MAP3K1: variants seen among roughly 807,000 people sequenced by gnomAD.
MAP3K1 encodes the protein mitogen-activated protein kinase kinase kinase 1.
In MAP3K1, 36 loss-of-function variants were observed where a neutral mutation model predicts 144.2. The ratio of observed to expected loss-of-function variants is 0.25; its 90% confidence interval spans 0.19 to 0.33. The LOEUF (loss-of-function observed/expected upper bound fraction) is 0.33. Ranked by LOEUF, MAP3K1 falls within the 10% of genes least tolerant of loss-of-function variation. The probability of loss-of-function intolerance (pLI) is 1.00; values close to 1 mark genes in which losing one functional copy is unlikely to be tolerated. For missense variants in MAP3K1, 1,650 were observed against 1,881.9 expected, an observed-to-expected ratio of 0.88 and a Z score of 2.28; for synonymous variants, 718 against 688.7, an observed-to-expected ratio of 1.04 and a Z score of -0.67.
At position 56,871,835 on chromosome 5, in the gene MAP3K1, A is replaced by C. The variant is rs1263823584; in HGVS notation, c.1302-75A>C. 2.2e-6 allele frequency: 3 copies of C among 1,389,296 alleles called. No homozygotes were observed. The African/African-American group carries it at 4.3e-5, about 20-fold the overall frequency. The allele number at this position is 1,389,296 out of a possible 1,614,324, so 86.1% of individuals were successfully genotyped here. On this transcript the variant is annotated intron_variant, in intron 6 of 19. Transcript: ENST00000399503. ...TAATGTATTTATATTCTAAGCAAGC[A>C]GAAAGTGTTTTTAGCATATCCGTTC...
intron 1 of MAP3K1, among the ~76,000 whole-genome samples, chr5:56,850,349 G>T (rs1747131408): frequency 6.6e-6 from 1 of 152,142 alleles, no homozygotes; most frequent in East Asian, 1.9e-4. Flanking sequence ...AGAGAATCAA[G>T]ATACGGAAAT....
intron 1 of MAP3K1, among the ~76,000 whole-genome samples, chr5:56,822,662 T>C (rs1746188163): frequency 6.6e-6 from 1 of 152,156 alleles, no homozygotes. Context: ...CCCAGTCTTA[T>C]TAATGCCCTT....
intron 1 of MAP3K1, 146 bp downstream of exon 1, chr5:56,816,201 C>T (rs1273334217): frequency 9.3e-6 from 8 of 856,248 alleles, no homozygotes; most frequent in African/African-American, 5.3e-5. Context: ...CTGAGCACCC[C>T]CCGACCCCTT....
At chr5:56,874,811 T>C (rs1242950696) in intron 9 of MAP3K1, among the ~76,000 whole-genome samples, 1 of 152,198 alleles carries the variant, frequency 6.6e-6, no homozygotes, top group Non-Finnish European at 1.5e-5. Context: ...TTACCTGAGC[T>C]AATAAATATT....
intron 1 of MAP3K1, among the ~76,000 whole-genome samples, chr5:56,845,803 C>T (rs1412863080): frequency 6.6e-6 from 1 of 152,158 alleles, no homozygotes; most frequent in Non-Finnish European, 1.5e-5. Context: ...ATTTTTAGCG[C>T]AGAATGTCAA....
intron 3 of MAP3K1, among the ~76,000 whole-genome samples, chr5:56,860,797 G>C (rs1330569351): frequency 6.6e-6 from 1 of 151,778 alleles, no homozygotes; most frequent in Admixed American, 6.6e-5. Flanking sequence ...AGGTTGCAGT[G>C]AGCCTAGATT....
Position 56,881,555 on chromosome 5 carries a change from G to GC in MAP3K1, c.2370-15_2370-14insC, listed in dbSNP as rs1748206644. ...AATTGGAACTTATATGGTAATGAAT[G>GC]TTTTTTTCTTTCAGGTATAAGAAGC... On this transcript the variant is annotated splice_polypyrimidine_tract_variant and intron_variant, in intron 13 of 19. Transcript: ENST00000399503. The GC allele has an allele frequency of 1.3e-6, 2 of 1,585,790 alleles. No homozygotes were observed. The highest frequency in any genetic ancestry group is 1.1e-5 in the South Asian group (1 of 90,618).
intron 1 of MAP3K1, among the ~76,000 whole-genome samples, chr5:56,817,737 G>T (rs115927477): frequency 0.019 from 2,948 of 152,276 alleles, 113 homozygotes; most frequent in African/African-American, 0.067. Flanking sequence ...TTAAGAAATT[G>T]TATCTATTGA....
In MAP3K1 at chr5:56,875,128, C is replaced by T. The variant is rs1389190649; in HGVS notation, c.1783C>T (p.Leu595=). ...TCTTTCCCATGATGTCAGTGGGGCC[C>T]TGCTGTTGGCAAATGGGGAGAGCAC... ...RRLSHDVSGA[L]LLANGESTGN... The change falls in exon 10 of 20, where the codon CTG becomes TTG. Residue 595 remains leucine (L), a synonymous_variant. Coordinates refer to ENST00000399503, the MANE Select transcript of MAP3K1 (RefSeq NM_005921.2). 2 of 1,614,068 alleles carry T rather than the reference C, an allele frequency of 1.2e-6. No individual in the cohort carries two copies. Among genetic ancestry groups the T allele is most frequent in the African/African-American group, 1.3e-5 (1 of 74,930 alleles).
chr5:56,865,239 C>G, intron 4 of MAP3K1, 101 bp from the exon 5 acceptor site: 2 of 760,010 alleles, frequency 2.6e-6, no homozygotes, highest in Non-Finnish European at 4.6e-6. Flanking sequence ...TTAATAGAAA[C>G]TTTAGTATAA....
intron 1 of MAP3K1, among the ~76,000 whole-genome samples, chr5:56,818,078 G>T (rs923021385): frequency 2.6e-5 from 4 of 151,948 alleles, no homozygotes; most frequent in Non-Finnish European, 5.9e-5. Flanking sequence ...GAATGCTGTT[G>T]GTTTATCCCA....
rs1748671092 is a variant in MAP3K1 at position 56,895,331 on chromosome 5, C to G, written c.*1651C>G. The stretch of plus-strand genomic sequence containing the variant: ...TACAGAAATGTGAAGTTTGGTATCT[C>G]TAAATGTGTTGTACTTGACTTTCTT... On this transcript the variant is annotated 3_prime_UTR_variant, in exon 20 of 20. Coordinates refer to ENST00000399503, the MANE Select transcript of MAP3K1 (RefSeq NM_005921.2). The G allele has an allele frequency of 4.3e-6, 1 of 230,172 alleles. No homozygotes were observed. The highest frequency in any genetic ancestry group is 8.5e-6 in the Non-Finnish European group (1 of 117,018). The allele number at this position is 230,172 out of a possible 1,614,324, so 14.3% of individuals were successfully genotyped here.
intron 10 of MAP3K1, among the ~76,000 whole-genome samples, chr5:56,877,754 T>G (rs1446470257): frequency 6.6e-6 from 1 of 152,096 alleles, no homozygotes; most frequent in East Asian, 1.9e-4. Context: ...TTTCACCAGT[T>G]TTTCTGCTGT....
intron 19 of MAP3K1, among the ~76,000 whole-genome samples, chr5:56,892,902 T>G (rs1055812049): frequency 6.6e-6 from 1 of 151,942 alleles, no homozygotes; most frequent in Non-Finnish European, 1.5e-5. Context: ...TGTATCACAA[T>G]TTAAAAATAA....
At chr5:56,846,726 G>C (rs935038584) in intron 1 of MAP3K1, among the ~76,000 whole-genome samples, 3 of 152,114 alleles carry the variant, frequency 2.0e-5, no homozygotes, top group Non-Finnish European at 4.4e-5. Flanking sequence ...TTTTGACTTC[G>C]TTGCAGTTTG....
chr5:56,888,898 C>G (rs1748463390), intron 19 of MAP3K1, among the ~76,000 whole-genome samples: 1 of 152,124 alleles, frequency 6.6e-6, no homozygotes, highest in Non-Finnish European at 1.5e-5. Context: ...GTGTGTATTT[C>G]CAGGAGTTGA....
In MAP3K1 at chr5:56,895,366, G is replaced by GTTTTTTTTTTTTT. The variant is rs369894303; in HGVS notation, c.*1689_*1701dup. On this transcript the variant is annotated 3_prime_UTR_variant, in exon 20 of 20. Coordinates refer to ENST00000399503, the MANE Select transcript of MAP3K1 (RefSeq NM_005921.2). ...TGTACTTGACTTTCTTTTTTATTTTGTTTTTTTTTTTTTTTGACTACTTAG... is the reference window on the plus strand; with the variant it reads ...TGTACTTGACTTTCTTTTTTATTTTGTTTTTTTTTTTTTTTTTTTTTTTTTTTTGACTACTTAG... 1 of 82,564 alleles carries GTTTTTTTTTTTTT rather than the reference G, an allele frequency of 1.2e-5. No homozygotes were observed. Among genetic ancestry groups the GTTTTTTTTTTTTT allele is most frequent in the African/African-American group, 4.2e-5 (1 of 24,004 alleles). The allele number at this position is 82,564 out of a possible 1,614,324, so 5.1% of individuals were successfully genotyped here.
chr5:56,866,092 G>C (rs1747663211), intron 6 of MAP3K1, 115 bp downstream of exon 6: 1 of 985,374 alleles, frequency 1.0e-6, no homozygotes, highest in Admixed American at 2.0e-5. Flanking sequence ...TTGAATCTTG[G>C]CTTTCAAGTT....
intron 1 of MAP3K1, among the ~76,000 whole-genome samples, chr5:56,845,675 G>T (rs757993667): frequency 1.3e-5 from 2 of 152,202 alleles, no homozygotes; most frequent in Non-Finnish European, 2.9e-5. Flanking sequence ...CTTACTTACT[G>T]ATCTGTGTTC....
Sources: allele counts gnomAD v4.1 joint callset (sites outside exome capture counted in the v4.1 genomes callset), GRCh38; gene constraint gnomAD v4.1.1; transcripts MANE v1.5; gene names NCBI Gene and HGNC (gene_info 2026-07-23, HGNC 2026-07-21).